Variants in OR1M1 observed in about 807,000 individuals in gnomAD.
OR1M1 encodes olfactory receptor 1M1.
For synonymous variants in OR1M1, 157 were observed against 165.5 expected, an observed-to-expected ratio of 0.95 and a Z score of 0.39; for missense variants, 397 against 401.8, an observed-to-expected ratio of 0.99 and a Z score of 0.10.
At position 9,093,921 on chromosome 19, in the gene OR1M1, T is replaced by A. The variant is rs773253491; in HGVS notation, c.677T>A (p.Met226Lys). Residue 226 changes from methionine (M) to lysine (K), a missense_variant, in exon 2 of 2, where the codon ATG (methionine) becomes AAG (lysine). By Grantham distance (95) the Met-to-Lys change is moderately conservative (BLOSUM62 -1). Transcript: ENST00000641627. ...TATGCTCGCATCCTTGTGGCCATCATGAAGGTCCCCTCTGCAGGCGGCAGG... is the reference window on the plus strand; with the variant it reads ...TATGCTCGCATCCTTGTGGCCATCAAGAAGGTCCCCTCTGCAGGCGGCAGG... ...ASYARILVAI[M>K]KVPSAGGRKK... 1.1e-5 allele frequency: 17 copies of A among 1,614,216 alleles called. No homozygotes were observed. The East Asian group carries it at 2.7e-4, about 25-fold the overall frequency.
Position 9,094,255 on chromosome 19 carries a change from A to G in OR1M1, c.*69A>G. The G allele has an allele frequency of 3.5e-6, 3 of 858,522 alleles. No homozygotes were observed. The highest frequency in any genetic ancestry group is 3.4e-5 in the South Asian group (2 of 59,414). 53.2% of individuals were successfully genotyped at this position (858,522 alleles called of 1,614,324 possible). A position where few individuals can be genotyped will look rare whatever the true frequency, so the allele number is the denominator to read the frequency against. On this transcript the variant is annotated 3_prime_UTR_variant, in exon 2 of 2. Coordinates refer to ENST00000641627, the MANE Select transcript of OR1M1 (RefSeq NM_001004456.2). ...TGGGAGTCTTGGGCTAACATCTGGAATTGCATGAGTTGAAGAGTAGGCACT... is the reference window on the plus strand; with the variant it reads ...TGGGAGTCTTGGGCTAACATCTGGAGTTGCATGAGTTGAAGAGTAGGCACT...
chr19:9,092,410 A>T (rs1029160583), intron 1 of OR1M1, among the ~76,000 whole-genome samples: 3 of 152,004 alleles, frequency 2.0e-5, no homozygotes, highest in Non-Finnish European at 4.4e-5. Flanking sequence ...CCTGGACAAC[A>T]TAGCAAGATC....
At chr19:9,092,637 C>T (rs1329832170) in intron 1 of OR1M1, among the ~76,000 whole-genome samples, 2 of 151,972 alleles carry the variant, frequency 1.3e-5, no homozygotes, top group African/African-American at 4.8e-5. Flanking sequence ...CGTGGTGGCT[C>T]ACGCCTGTAA....
chr19:9,089,091 A>G (rs553642941), intron 1 of OR1M1, among the ~76,000 whole-genome samples: 1 of 152,114 alleles, frequency 6.6e-6, no homozygotes, highest in Non-Finnish European at 1.5e-5. Context: ...ATAGCATATT[A>G]TTGTTAACTG....
At position 9,093,714 on chromosome 19, in the gene OR1M1, T is replaced by C. The variant is rs1264229405; in HGVS notation, c.470T>C (p.Leu157Pro). 4.3e-6 allele frequency: 7 copies of C among 1,613,994 alleles called. No individual in the cohort carries two copies. Among genetic ancestry groups the C allele is most frequent in the Non-Finnish European group, 5.9e-6 (7 of 1,180,006 alleles). ...TGGGCGTTTTCCTGCTTCATCTCAC[T>C]CACTCACATCCTCCTGATGGCCCGT... ...ALWAFSCFISLTHILLMARLV... is the reference protein window; with the variant it reads ...ALWAFSCFISPTHILLMARLV... The change falls in exon 2 of 2, where the codon CTC becomes CCC. Residue 157 changes from leucine to proline, a missense_variant. Physicochemically the swap from Leu to Pro is moderately conservative, Grantham distance 98 (BLOSUM62 -3). Transcript: ENST00000641627.
At chr19:9,089,743 CA>C (rs1478770715) in intron 1 of OR1M1, among the ~76,000 whole-genome samples, 1 of 151,994 alleles carries the variant, frequency 6.6e-6, no homozygotes, top group Non-Finnish European at 1.5e-5. Context: ...ACACATTTTC[CA>C]AAAATCCCTG....
At position 9,093,840 on chromosome 19, in the gene OR1M1, T is replaced by C; in HGVS notation, c.596T>C (p.Ile199Thr). The C allele has an allele frequency of 6.2e-7, 1 of 1,614,110 alleles. No homozygotes were observed. The highest frequency in any genetic ancestry group is 1.3e-5 in the African/African-American group (1 of 75,060). Residue 199 changes from isoleucine to threonine, a missense_variant, in exon 2 of 2, where the codon ATC (isoleucine) becomes ACC (threonine). By Grantham distance (89) the Ile-to-Thr change is moderately conservative. Transcript: ENST00000641627. ...CTDTSVNRIF[I>T]LIVAGMVIAT... ...GACACCTCTGTGAATAGGATCTTCATCCTCATTGTGGCAGGGATGGTGATA... is the reference window on the plus strand; with the variant it reads ...GACACCTCTGTGAATAGGATCTTCACCCTCATTGTGGCAGGGATGGTGATA...
At chr19:9,089,544 C>T (rs1261729914) in intron 1 of OR1M1, among the ~76,000 whole-genome samples, 2 of 151,926 alleles carry the variant, frequency 1.3e-5, no homozygotes, top group Admixed American at 6.6e-5. Flanking sequence ...CTGCCTCAGC[C>T]TCCCAAGTAG....
rs1443936932 is a variant in OR1M1, at chr19:9,093,930, C to G, written c.686C>G (p.Pro229Arg). Reference protein sequence around the residue: ...ARILVAIMKVPSAGGRKKAFS... With the variant: ...ARILVAIMKVRSAGGRKKAFS... ...ATCCTTGTGGCCATCATGAAGGTCC[C>G]CTCTGCAGGCGGCAGGAAGAAAGCC... is the stretch of plus-strand genomic sequence containing the variant. Residue 229 changes from proline to arginine, a missense_variant, in exon 2 of 2, where the codon CCC becomes CGC. Physicochemically the swap from Pro to Arg is moderately radical, Grantham distance 103. Coordinates refer to ENST00000641627, the MANE Select transcript of OR1M1 (RefSeq NM_001004456.2). 6.8e-6 allele frequency: 11 copies of G among 1,614,182 alleles called. No homozygotes were observed. The highest frequency in any genetic ancestry group is 8.5e-6 in the Non-Finnish European group (10 of 1,180,038).
Position 9,092,522 on chromosome 19 carries a change from G to T in OR1M1, c.-13-710G>T, listed in dbSNP as rs147727486. Among the ~76,000 whole-genome samples the T allele has an allele frequency of 4.0e-3, 609 of 152,232 alleles. 4 individuals are homozygous for T. The highest frequency in any genetic ancestry group is 0.014 in the African/African-American group (587 of 41,544). ...AGAGGCTGTGGCAGGAGGCTGGCTTGAGCCCAGGAGTTCAAGGTTGCAATG... is the reference window on the plus strand; with the variant it reads ...AGAGGCTGTGGCAGGAGGCTGGCTTTAGCCCAGGAGTTCAAGGTTGCAATG... On this transcript the variant is annotated intron_variant, in intron 1 of 1. Transcript: ENST00000641627.
rs369801279 is a variant in OR1M1, at chr19:9,093,254, A to G, written c.10A>G (p.Arg4Gly). 347 of 1,605,070 alleles carry G rather than the reference A, an allele frequency of 2.2e-4. No homozygotes were observed. The highest frequency in any genetic ancestry group is 2.6e-4 in the Non-Finnish European group (307 of 1,175,580). Residue 4 changes from arginine (R) to glycine (G), a missense_variant, in exon 2 of 2, where the codon AGA (arginine) becomes GGA (glycine). Physicochemically the swap from Arg to Gly is moderately radical, Grantham distance 125. Coordinates refer to ENST00000641627, the MANE Select transcript of OR1M1 (RefSeq NM_001004456.2). ...CAGAGGAATCACACCCATGGAACCA[A>G]GAAACCAAACCAGTGCATCTCAATT... MEPRNQTSASQFIL... is the reference protein window; with the variant it reads MEPGNQTSASQFIL...
intron 1 of OR1M1, among the ~76,000 whole-genome samples, chr19:9,092,613 T>C (rs1199404186): frequency 6.6e-6 from 1 of 151,702 alleles, no homozygotes; most frequent in Non-Finnish European, 1.5e-5. Flanking sequence ...TAAAAAATAA[T>C]ATCTTTAGCC....
At position 9,093,019 on chromosome 19, in the gene OR1M1, TTCTC is replaced by T. The variant is rs34983826; in HGVS notation, c.-13-197_-13-194del. Among the ~76,000 whole-genome samples the T allele has an allele frequency of 2.6e-3, 352 of 135,688 alleles. 2 individuals are homozygous for T. The highest frequency in any genetic ancestry group is 8.4e-3 in the African/African-American group (294 of 35,182). 89.0% of individuals were successfully genotyped at this position (135,688 alleles called of 152,430 possible). ...CATGTGTGGAATATATTTACATATA[TTCTC>T]TCTCTCTCTCTCTCTATATATATAT... is the stretch of plus-strand genomic sequence containing the variant. On this transcript the variant is annotated intron_variant, in intron 1 of 1. Coordinates refer to ENST00000641627, the MANE Select transcript of OR1M1 (RefSeq NM_001004456.2).
Position 9,093,754 on chromosome 19 carries a change from C to T in OR1M1, c.510C>T (p.Gly170=). 6.2e-7 allele frequency: 1 copy of T among 1,614,006 alleles called. No homozygotes were observed. The highest frequency in any genetic ancestry group is 8.5e-7 in the Non-Finnish European group (1 of 1,180,048). Residue 170 remains glycine (G), a synonymous_variant, in exon 2 of 2, where the codon GGC becomes GGT. Coordinates refer to ENST00000641627, the MANE Select transcript of OR1M1 (RefSeq NM_001004456.2). ...ILLMARLVFC[G]SHEVPHYFCD... is the part of the protein sequence containing the mutation. ...TGATGGCCCGTCTCGTTTTCTGCGG[C>T]AGCCATGAGGTGCCTCACTACTTCT... is the stretch of plus-strand genomic sequence containing the variant.
intron 1 of OR1M1, among the ~76,000 whole-genome samples, chr19:9,091,522 G>A (rs943889016): frequency 6.6e-6 from 1 of 152,094 alleles, no homozygotes; most frequent in African/African-American, 2.4e-5. Context: ...AGCTGGGCAT[G>A]GTGGCGTGCT....
chr19:9,091,322 CTT>C (rs5827044), intron 1 of OR1M1, among the ~76,000 whole-genome samples: 62 of 147,918 alleles, frequency 4.2e-4, no homozygotes, highest in Middle Eastern at 3.4e-3. Context: ...AACCCCATTT[CTT>C]TTTTTTTTTT....
In OR1M1 at chr19:9,088,290, G is replaced by T. The variant is rs578155405; in HGVS notation, c.-14+1133G>T. Among the ~76,000 whole-genome samples the T allele has an allele frequency of 2.6e-5, 4 of 152,248 alleles. No homozygotes were observed. The South Asian group carries it at 8.3e-4, about 32-fold the overall frequency. On this transcript the variant is annotated intron_variant, in intron 1 of 1. Coordinates refer to ENST00000641627, the MANE Select transcript of OR1M1 (RefSeq NM_001004456.2). ...AAGTTTGTGTTATTCCCCATGTTGG[G>T]TCTTGGAAGCCCTTGGAGATTCCCA...
chr19:9,088,211 C>T (rs1042473619), intron 1 of OR1M1, among the ~76,000 whole-genome samples: 3 of 152,122 alleles, frequency 2.0e-5, no homozygotes, highest in African/African-American at 7.2e-5. Flanking sequence ...TTTCCAAGCC[C>T]ACTTGAGTGC....
intron 1 of OR1M1, among the ~76,000 whole-genome samples, chr19:9,087,467 C>G (rs977644053): frequency 6.6e-6 from 1 of 151,746 alleles, no homozygotes; most frequent in Non-Finnish European, 1.5e-5. Flanking sequence ...TTTTCCCCCA[C>G]CGAGATGGAG....
Sources: gnomAD v4.1 joint callset for allele counts (sites outside exome capture counted in the v4.1 genomes callset) on GRCh38, gnomAD v4.1.1 for gene constraint, MANE v1.5 for transcripts, NCBI Gene and HGNC (gene_info 2026-07-23, HGNC 2026-07-21) for gene names.